Variants in NECAB2 observed in about 807,000 individuals in gnomAD.
NECAB2 encodes the protein N-terminal EF-hand calcium-binding protein 2.
NECAB2 carries 68 observed loss-of-function variants against 51.9 expected under a neutral mutation model. That is an observed-to-expected ratio of 1.31 (90% CI 1.08 to 1.60). The LOEUF (loss-of-function observed/expected upper bound fraction) is 1.60, where lower values mean the gene tolerates loss of function less well. Ranked by LOEUF, NECAB2 falls within the 40% of genes most tolerant of loss-of-function variation. The pLI, the probability that NECAB2 is intolerant of heterozygous loss-of-function variation, is 0.00. For synonymous variants in NECAB2, 329 were observed against 203.5 expected, an observed-to-expected ratio of 1.62 and a Z score of -5.25; for missense variants, 854 against 490.3, an observed-to-expected ratio of 1.74 and a Z score of -7.00.
chr16:83,987,855 A>G (rs781048689), intron 5 of NECAB2, among the ~76,000 whole-genome samples: 1 of 152,240 alleles, frequency 6.6e-6, no homozygotes, highest in Non-Finnish European at 1.5e-5. Flanking sequence ...GGCACTTGAC[A>G]TAGAGCAAAA....
chr16:83,997,924 C>A (rs767403016), intron 9 of NECAB2, among the ~76,000 whole-genome samples: 1 of 152,066 alleles, frequency 6.6e-6, no homozygotes, highest in Non-Finnish European at 1.5e-5. Flanking sequence ...GTCTCCAGGC[C>A]CTGGAGGCTG....
At chr16:84,001,421 G>T (rs535126759) in intron 11 of NECAB2, among the ~76,000 whole-genome samples, 1 of 152,150 alleles carries the variant, frequency 6.6e-6, no homozygotes, top group African/African-American at 2.4e-5. Context: ...GTGGGAACAG[G>T]GGCGGTCATG....
At chr16:83,984,387 ATTGT>A (rs1241541415) in intron 5 of NECAB2, among the ~76,000 whole-genome samples, 4 of 151,776 alleles carry the variant, frequency 2.6e-5, no homozygotes, top group Non-Finnish European at 2.9e-5. Flanking sequence ...AATCTAAAAC[ATTGT>A]TTGACACACG....
intron 2 of NECAB2, among the ~76,000 whole-genome samples, chr16:83,977,990 A>G (rs1337201761): frequency 6.6e-6 from 1 of 152,198 alleles, no homozygotes; most frequent in African/African-American, 2.4e-5. Flanking sequence ...ACATGGGACA[A>G]GTTGCTCACA....
Position 83,981,113 on chromosome 16 carries a change from G to T in NECAB2, c.445G>T (p.Gly149Cys), listed in dbSNP as rs774567229. The T allele has an allele frequency of 1.9e-5, 30 of 1,613,850 alleles. No individual in the cohort carries two copies. In the East Asian group the frequency reaches 6.7e-4, roughly 36 times the overall value. ...GAATCACTCTGTCCTGAAGGCCATGGGTTATACCAAGAAGGTCAGTGGGTG... is the reference window on the plus strand; with the variant it reads ...GAATCACTCTGTCCTGAAGGCCATGTGTTATACCAAGAAGGTCAGTGGGTG... ...TLNHSVLKAM[G>C]YTKKVYEGGS... Residue 149 changes from glycine to cysteine, a missense_variant, in exon 5 of 13, where the codon GGT becomes TGT. Coordinates refer to ENST00000305202, the MANE Select transcript of NECAB2 (RefSeq NM_019065.3).
intron 8 of NECAB2, among the ~76,000 whole-genome samples, chr16:83,995,420 C>A (rs948382244): frequency 6.6e-6 from 1 of 152,116 alleles, no homozygotes; most frequent in Admixed American, 6.5e-5. Flanking sequence ...GGGACCCCTC[C>A]CTCATAGGGG....
At chr16:83,997,150 G>T (rs1172143055) in intron 8 of NECAB2, 66 bp from the exon 9 acceptor site, 6 of 1,605,352 alleles carry the variant, frequency 3.7e-6, no homozygotes, top group Non-Finnish European at 4.3e-6. Flanking sequence ...GGATCCCAGA[G>T]CTCCTGGCTC....
Position 83,994,298 on chromosome 16 carries a change from G to T in NECAB2, c.597-4G>T, listed in dbSNP as rs1451502295. The stretch of plus-strand genomic sequence containing the variant: ...GTCTGTGTGTGTTCCCATCCAAACT[G>T]CAGACAGAACCACATCAAACCCAGC... On this transcript the variant is annotated splice_region_variant and splice_polypyrimidine_tract_variant and intron_variant, in intron 6 of 12. Transcript: ENST00000305202. The T allele has an allele frequency of 2.5e-6, 4 of 1,613,962 alleles. No homozygotes were observed. Among genetic ancestry groups the T allele is most frequent in the African/African-American group, 2.7e-5 (2 of 74,930 alleles).
intron 8 of NECAB2, among the ~76,000 whole-genome samples, chr16:83,995,797 C>G (rs979603218): frequency 6.6e-6 from 1 of 152,218 alleles, no homozygotes; most frequent in Non-Finnish European, 1.5e-5. Context: ...GCTCAAACTT[C>G]CCCTCCTGCA....
At chr16:83,975,163 GGTGC>G (rs2084394369) in intron 2 of NECAB2, among the ~76,000 whole-genome samples, 1 of 111,510 alleles carries the variant, frequency 9.0e-6, no homozygotes, top group African/African-American at 7.5e-5. Context: ...GGGAGGTGTG[GGTGC>G]AGGGATGGGA....
chr16:83,975,612 C>T (rs900124659), intron 2 of NECAB2, among the ~76,000 whole-genome samples: 3 of 152,108 alleles, frequency 2.0e-5, no homozygotes, highest in Non-Finnish European at 4.4e-5. Context: ...TTTGGCTGAG[C>T]TGGATACCGG....
chr16:83,966,034 G>T, upstream of NECAB2: 2 of 1,470,192 alleles, frequency 1.4e-6, no homozygotes, highest in Non-Finnish European at 1.8e-6. Context: ...CTGGCTCCCA[G>T]GCCCTGAGAG....
At chr16:83,968,957 C>A (rs1208303492) in intron 1 of NECAB2, 108 bp downstream of exon 1, 3 of 682,748 alleles carry the variant, frequency 4.4e-6, no homozygotes, top group Non-Finnish European at 5.5e-6. Context: ...CCCTCCCTAC[C>A]CGGGCAGGAG....
At chr16:84,000,659 G>A in intron 10 of NECAB2, 65 bp from the exon 11 acceptor site, 2 of 1,454,408 alleles carry the variant, frequency 1.4e-6, no homozygotes, top group Non-Finnish European at 1.9e-6. Context: ...CCACCCCAGG[G>A]GAACAGCACT....
In NECAB2 at chr16:83,998,299, G is replaced by T. The variant is rs569171415; in HGVS notation, c.944G>T (p.Gly315Val). The change falls in exon 10 of 13, where the codon GGC becomes GTC. Residue 315 changes from glycine to valine, a missense_variant. By Grantham distance (109) the Gly-to-Val change is moderately radical (BLOSUM62 -3). Transcript: ENST00000305202. ...CGCCAGTATCTGCGGGGGACCACTG[G>T]CGTGAGGAACTGCTTCCAGTGAGTG... ...SLRQYLRGTT[G>V]VRNCFHITAV... The T allele has an allele frequency of 9.3e-6, 15 of 1,613,526 alleles. No individual in the cohort carries two copies. The highest frequency in any genetic ancestry group is 1.2e-5 in the Non-Finnish European group (14 of 1,179,992).
At chr16:83,993,749 G>T (rs2084656565) in intron 6 of NECAB2, 1 of 161,008 alleles carries the variant, frequency 6.2e-6, no homozygotes, top group Non-Finnish European at 1.4e-5. Flanking sequence ...GGAGAGGGGT[G>T]TCCAGGGCCG....
chr16:83,986,191 G>T lies in NECAB2; in HGVS notation c.460-4303G>T, dbSNP rs944929888. 3.9e-5 allele frequency among the ~76,000 whole-genome samples: 6 copies of T among 151,926 alleles called. No homozygotes were observed. The South Asian group carries it at 1.2e-3, about 32-fold the overall frequency. Reference sequence around the variant, plus strand: ...ACCACCACGCCCGGCTAATTTTTGTGTTTCTAGTAGAGACGGGTTTTCACC... The same window carrying T: ...ACCACCACGCCCGGCTAATTTTTGTTTTTCTAGTAGAGACGGGTTTTCACC... On this transcript the variant is annotated intron_variant, in intron 5 of 12. Transcript: ENST00000305202.
upstream of NECAB2, among the ~76,000 whole-genome samples, chr16:83,967,752 G>GGGGA (rs2084302415): frequency 1.5e-5 from 2 of 131,304 alleles, no homozygotes; most frequent in South Asian, 2.6e-4. Flanking sequence ...GGATGGGAGG[G>GGGGA]TGGATGGATG....
rs1469397124 is a variant in NECAB2 at position 84,001,811 on chromosome 16, TCCCTGCGTCACAGGCACCTGCAGAGCC to T, written c.1041-8_1059del. 3 of 1,613,782 alleles carry T rather than the reference TCCCTGCGTCACAGGCACCTGCAGAGCC, an allele frequency of 1.9e-6. No individual in the cohort carries two copies. The highest frequency in any genetic ancestry group is 2.5e-6 in the Non-Finnish European group (3 of 1,179,798). ...TCCTGCCACCCCTGACTCACACATGTCCCTGCGTCACAGGCACCTGCAGAGCCCCCTGTGTAAGGCGTTCCGGCACGT... is the reference window on the plus strand; with the variant it reads ...TCCTGCCACCCCTGACTCACACATGTCCCTGTGTAAGGCGTTCCGGCACGT... On this transcript the variant is annotated splice_acceptor_variant and splice_polypyrimidine_tract_variant and coding_sequence_variant and intron_variant, in exon 12 of 13. Transcript: ENST00000305202. LOFTEE classifies it high-confidence loss of function.
Sources: allele counts gnomAD v4.1 joint callset (sites outside exome capture counted in the v4.1 genomes callset), GRCh38; gene constraint gnomAD v4.1.1; transcripts MANE v1.5; gene names NCBI Gene and HGNC (gene_info 2026-07-23, HGNC 2026-07-21).